Variants in IQGAP2 observed in about 807,000 individuals in gnomAD.
The protein encoded by IQGAP2 is ras GTPase-activating-like protein IQGAP2.
Under a neutral mutation model 201.3 loss-of-function variants are expected in IQGAP2, and 173 were observed. That is an observed-to-expected ratio of 0.86 (90% CI 0.76 to 0.98). The LOEUF (loss-of-function observed/expected upper bound fraction) is 0.98. IQGAP2 is among the 50% of genes least tolerant of loss of function. The pLI, the probability that IQGAP2 is intolerant of heterozygous loss-of-function variation, is 0.00. For missense variants in IQGAP2, 1,687 were observed against 1,864.8 expected (o/e 0.90, Z 1.76); for synonymous variants, 675 against 673.9 (o/e 1.00, Z -0.03).
chr5:76,461,912 G>A (rs1754477124), intron 2 of IQGAP2, among the ~76,000 whole-genome samples: 1 of 152,214 alleles, frequency 6.6e-6, no homozygotes, highest in African/African-American at 2.4e-5. Context: ...CCACTCCTGA[G>A]TCACAGCTGG....
chr5:76,453,612 G>A (rs1308923163), intron 1 of IQGAP2, among the ~76,000 whole-genome samples: 16 of 152,162 alleles, frequency 1.1e-4, no homozygotes, highest in Non-Finnish European at 2.9e-5. Context: ...GCAGTGACTT[G>A]CTACTCCTTG....
chr5:76,539,435 G>A (rs116622071), intron 2 of IQGAP2, among the ~76,000 whole-genome samples: 2,559 of 152,228 alleles, frequency 0.017, 68 homozygotes, highest in Middle Eastern at 0.02. Context: ...GACATGCTCC[G>A]TTCTGCTGCA....
At chr5:76,663,168 T>C (rs1437353505) in intron 21 of IQGAP2, among the ~76,000 whole-genome samples, 1 of 152,200 alleles carries the variant, frequency 6.6e-6, no homozygotes, top group Non-Finnish European at 1.5e-5. Context: ...GGCGGGCCCA[T>C]GTCCGCTTGT....
intron 11 of IQGAP2, among the ~76,000 whole-genome samples, chr5:76,603,888 G>A (rs997975115): frequency 6.6e-6 from 1 of 152,070 alleles, no homozygotes; most frequent in South Asian, 2.1e-4. Context: ...GGGAAACTAC[G>A]GAATATTTCC....
At chr5:76,582,960 A>C (rs1745979466) in intron 5 of IQGAP2, among the ~76,000 whole-genome samples, 1 of 152,202 alleles carries the variant, frequency 6.6e-6, no homozygotes. Flanking sequence ...GGCCTCACTC[A>C]GCTGCACAGG....
chr5:76,418,346 C>T (rs1561356506), intron 1 of IQGAP2, among the ~76,000 whole-genome samples: 2 of 151,918 alleles, frequency 1.3e-5, no homozygotes, highest in African/African-American at 4.8e-5. Context: ...CCTTGTCCAT[C>T]TTAGCATTTC....
chr5:76,496,779 T>TTTTCTTTCTTTC lies in IQGAP2; in HGVS notation c.146+35111_146+35112insTTCTTTCTTTCT, dbSNP rs1561416748. Among the ~76,000 whole-genome samples the TTTTCTTTCTTTC allele has an allele frequency of 3.6e-4, 35 of 97,576 alleles. 1 individual carries two copies. The highest frequency in any genetic ancestry group is 1.7e-3 in the African/African-American group (33 of 18,906). The allele number at this position is 97,576 out of a possible 152,430, so 64.0% of individuals were successfully genotyped here. A position where few individuals can be genotyped will look rare whatever the true frequency, so the allele number is the denominator to read the frequency against. On this transcript the variant is annotated intron_variant, in intron 2 of 35. Transcript: ENST00000274364. Reference sequence around the variant, plus strand: ...TTTCTTTCTTTCTTTCTTTCTTTCTTTCTTTCTTTCTTTCTCTTTCTTTCT... The same window carrying TTTTCTTTCTTTC: ...TTTCTTTCTTTCTTTCTTTCTTTCTTTTTCTTTCTTTCTCTTTCTTTCTTTCTCTTTCTTTCT...
At chr5:76,475,954 C>T (rs569968239) in intron 2 of IQGAP2, among the ~76,000 whole-genome samples, 6 of 151,982 alleles carry the variant, frequency 3.9e-5, no homozygotes, top group African/African-American at 1.4e-4. Context: ...CCCATCTGGC[C>T]GAGGAGCCTA....
Position 76,615,204 on chromosome 5 carries a change from G to T in IQGAP2, c.1521+4021G>T, listed in dbSNP as rs2069696. On this transcript the variant is annotated intron_variant, in intron 13 of 35. Transcript: ENST00000274364. The stretch of plus-strand genomic sequence containing the variant: ...ACCAAAAAGTTCTGTTTTGCTCCTT[G>T]TATATACCATAAAAACTGTGTGCTT... Among the ~76,000 whole-genome samples, 1,034 of 152,246 alleles carry T rather than the reference G, an allele frequency of 6.8e-3. 6 individuals carry two copies. Among genetic ancestry groups the T allele is most frequent in the African/African-American group, 0.024 (978 of 41,550 alleles).
chr5:76,449,194 T>TTC (rs1450708222), intron 1 of IQGAP2, among the ~76,000 whole-genome samples: 2 of 152,168 alleles, frequency 1.3e-5, no homozygotes, highest in Non-Finnish European at 2.9e-5. Context: ...TGTGTACGAT[T>TTC]TCTCTATTCT....
intron 1 of IQGAP2, among the ~76,000 whole-genome samples, chr5:76,452,290 G>A (rs9765093): frequency 0.26 from 38,292 of 149,152 alleles, 5,614 homozygotes; most frequent in East Asian, 0.52. Flanking sequence ...TGTGCACAAC[G>A]TGCAGGTTTG....
chr5:76,457,437 G>A (rs1399806257), intron 1 of IQGAP2, among the ~76,000 whole-genome samples: 2 of 152,042 alleles, frequency 1.3e-5, no homozygotes, highest in Admixed American at 6.6e-5. Context: ...TCGTAATTAT[G>A]CCAAACTTTC....
In IQGAP2 at chr5:76,668,591, G is replaced by A; in HGVS notation, c.2680-90G>A. On this transcript the variant is annotated intron_variant, in intron 22 of 35. Coordinates refer to ENST00000274364, the MANE Select transcript of IQGAP2 (RefSeq NM_006633.5). ...AGTGACATTAAGTCATTGAAGAGCA[G>A]GGAATCAGATACTGCTTTGTGCTTT... 3.0e-6 allele frequency: 3 copies of A among 1,005,244 alleles called. No individual in the cohort carries two copies. In the South Asian group the frequency reaches 4.6e-5, roughly 15 times the overall value. The allele number at this position is 1,005,244 out of a possible 1,614,324, so 62.3% of individuals were successfully genotyped here.
intron 13 of IQGAP2, among the ~76,000 whole-genome samples, chr5:76,613,407 G>A (rs753646828): frequency 1.3e-5 from 2 of 152,084 alleles, no homozygotes; most frequent in Non-Finnish European, 2.9e-5. Flanking sequence ...ATGTGATCTT[G>A]GTCAAATCAT....
rs143671661 is a variant in IQGAP2 at position 76,533,325 on chromosome 5, C to T, written c.147-29071C>T. 9.2e-5 allele frequency among the ~76,000 whole-genome samples: 14 copies of T among 152,260 alleles called. No homozygotes were observed. The East Asian group carries it at 2.7e-3, about 29-fold the overall frequency. On this transcript the variant is annotated intron_variant, in intron 2 of 35. Coordinates refer to ENST00000274364, the MANE Select transcript of IQGAP2 (RefSeq NM_006633.5). ...GTGCAGTAGAATGTTAAATTACTCA[C>T]CGACGGGGTCTCAGGTACATGCCAC... is the stretch of plus-strand genomic sequence containing the variant.
At chr5:76,454,132 G>A (rs1276967474) in intron 1 of IQGAP2, among the ~76,000 whole-genome samples, 2 of 151,968 alleles carry the variant, frequency 1.3e-5, no homozygotes, top group African/African-American at 2.4e-5. Flanking sequence ...CCCAAATCTA[G>A]GAATCATTGC....
At chr5:76,534,210 A>G (rs543173477) in intron 2 of IQGAP2, among the ~76,000 whole-genome samples, 1 of 152,344 alleles carries the variant, frequency 6.6e-6, no homozygotes, top group Non-Finnish European at 1.5e-5. Context: ...AGCCAGTAGC[A>G]TGGTGTGTGG....
intron 2 of IQGAP2, among the ~76,000 whole-genome samples, chr5:76,539,768 T>G (rs1742634105): frequency 6.6e-6 from 1 of 152,208 alleles, no homozygotes; most frequent in African/African-American, 2.4e-5. Context: ...TATGGCTTTC[T>G]GAGTAGGGTA....
intron 2 of IQGAP2, among the ~76,000 whole-genome samples, chr5:76,533,818 G>T (rs987485054): frequency 1.3e-5 from 2 of 152,282 alleles, no homozygotes; most frequent in African/African-American, 4.8e-5. Context: ...GATTATAGGC[G>T]TGAGCCACCG....
Sources: gnomAD v4.1 joint callset for allele counts (sites outside exome capture counted in the v4.1 genomes callset) on GRCh38, gnomAD v4.1.1 for gene constraint, MANE v1.5 for transcripts, NCBI Gene and HGNC (gene_info 2026-07-23, HGNC 2026-07-21) for gene names.